MICU3: variants seen among roughly 807,000 people sequenced by gnomAD.
MICU3 encodes the protein calcium uptake protein 3, mitochondrial.
A neutral mutation model predicts 66.5 loss-of-function variants in MICU3; 62 were observed. The ratio of observed to expected loss-of-function variants is 0.93; its 90% confidence interval spans 0.76 to 1.15. The LOEUF is 1.15. MICU3 is among the 50% of genes most tolerant of loss of function. The pLI is 0.00. For missense variants in MICU3, 779 were observed against 664.4 expected (o/e 1.17, Z -1.90); for synonymous variants, 308 against 240.7 (o/e 1.28, Z -2.59).
chr8:17,032,812 C>G (rs1324452609), intron 1 of MICU3, among the ~76,000 whole-genome samples: 1 of 152,166 alleles, frequency 6.6e-6, no homozygotes, highest in Non-Finnish European at 1.5e-5. Flanking sequence ...CACCATTTTT[C>G]CAACATTATA....
intron 9 of MICU3, among the ~76,000 whole-genome samples, chr8:17,104,163 A>C (rs1270145504): frequency 6.6e-6 from 1 of 151,938 alleles, no homozygotes; most frequent in Non-Finnish European, 1.5e-5. Flanking sequence ...ATCTTCAAAA[A>C]TTTTTGAGTA....
intron 1 of MICU3, among the ~76,000 whole-genome samples, chr8:17,043,067 G>A (rs1814461538): frequency 6.7e-6 from 1 of 148,348 alleles, no homozygotes; most frequent in Non-Finnish European, 1.5e-5. Context: ...AGCCTCCCGA[G>A]TAGCTGGGAC....
At chr8:17,102,128 A>G (rs1263874083) in intron 9 of MICU3, among the ~76,000 whole-genome samples, 1 of 151,750 alleles carries the variant, frequency 6.6e-6, no homozygotes, top group African/African-American at 2.4e-5. Context: ...AGTACTGGCT[A>G]TTTGTGAAGC....
At chr8:17,092,462 AATT>A (rs1374111226) in intron 8 of MICU3, among the ~76,000 whole-genome samples, 1 of 152,004 alleles carries the variant, frequency 6.6e-6, no homozygotes, top group Non-Finnish European at 1.5e-5. Flanking sequence ...TTAAATAAAA[AATT>A]ATGATTTTTA....
intron 1 of MICU3, among the ~76,000 whole-genome samples, chr8:17,044,340 T>C (rs930253928): frequency 3.3e-5 from 5 of 152,208 alleles, no homozygotes; most frequent in Admixed American, 6.5e-5. Context: ...ATTTTGGTGA[T>C]AGGTTTTACT....
At chr8:17,067,112 T>G (rs1818845365) in intron 2 of MICU3, among the ~76,000 whole-genome samples, 1 of 152,156 alleles carries the variant, frequency 6.6e-6, no homozygotes, top group African/African-American at 2.4e-5. Flanking sequence ...TCACAAAAGA[T>G]CAAGATATTC....
chr8:17,064,197 G>A lies in MICU3; in HGVS notation c.495G>A (p.Pro165=), dbSNP rs763504827. Residue 165 remains proline (P), a synonymous_variant, in exon 2 of 15, where the codon CCG becomes CCA. Coordinates refer to ENST00000318063, the MANE Select transcript of MICU3 (RefSeq NM_181723.3). ...IECEGQLFMT[P]YDFILAVTTD... ...GTGAAGGGCAGTTATTCATGACTCC[G>A]TATGATTTTATTTTGGCTGTTACAA... The A allele has an allele frequency of 1.3e-5, 21 of 1,611,990 alleles. No homozygotes were observed. The highest frequency in any genetic ancestry group is 1.7e-5 in the Admixed American group (1 of 59,946).
intron 8 of MICU3, among the ~76,000 whole-genome samples, chr8:17,096,190 T>G (rs1800668403): frequency 6.6e-6 from 1 of 151,956 alleles, no homozygotes; most frequent in Non-Finnish European, 1.5e-5. Context: ...CATAGTTGTC[T>G]GTTTCACAGC....
At chr8:17,099,404 T>G (rs943441629) in intron 9 of MICU3, among the ~76,000 whole-genome samples, 1 of 151,800 alleles carries the variant, frequency 6.6e-6, no homozygotes, top group Admixed American at 6.6e-5. Flanking sequence ...TGAAAATATC[T>G]GGAGAAGTAA....
chr8:17,077,020 T>C (rs1820482413), intron 3 of MICU3, among the ~76,000 whole-genome samples: 1 of 152,212 alleles, frequency 6.6e-6, no homozygotes, highest in Admixed American at 6.5e-5. Flanking sequence ...ACTTAGTCGT[T>C]TTTAACAGAC....
At chr8:17,135,406 A>G in the MICU3 span, among the ~76,000 whole-genome samples, 1 of 151,554 alleles carries the variant, frequency 6.6e-6, no homozygotes, top group Non-Finnish European at 1.5e-5. Flanking sequence ...AAAAAAAAAA[A>G]AAATGGACAT....
At position 17,077,973 on chromosome 8, in the gene MICU3, A is replaced by G. The variant is rs577314553; in HGVS notation, c.646+112A>G. 49 of 533,972 alleles carry G rather than the reference A, an allele frequency of 9.2e-5. 1 individual carries two copies. In the South Asian group the frequency reaches 1.9e-3, roughly 20 times the overall value. 33.1% of individuals were successfully genotyped at this position (533,972 alleles called of 1,614,324 possible). ...TTTTAAATTACATCTATGTGTATGC[A>G]TAGAGAAAAAACTGAAGAAGAAAAC... On this transcript the variant is annotated intron_variant, in intron 4 of 14. Coordinates refer to ENST00000318063, the MANE Select transcript of MICU3 (RefSeq NM_181723.3).
At position 17,101,413 on chromosome 8, in the gene MICU3, G is replaced by A. The variant is rs188734945; in HGVS notation, c.984+2860G>A. 1.6e-3 allele frequency among the ~76,000 whole-genome samples: 245 copies of A among 151,822 alleles called. 1 individual carries two copies. Among genetic ancestry groups the A allele is most frequent in the African/African-American group, 5.5e-3 (228 of 41,432 alleles). ...GAGCAGTACTCTGTTTCACTGAATG[G>A]GGGAAAAGTTTTCCCCATTTTCATT... is the stretch of plus-strand genomic sequence containing the variant. On this transcript the variant is annotated intron_variant, in intron 9 of 14. Coordinates refer to ENST00000318063, the MANE Select transcript of MICU3 (RefSeq NM_181723.3).
In MICU3 at chr8:17,027,266, G is replaced by C. The variant is rs1384468463; in HGVS notation, c.-14G>C. 1 of 1,242,764 alleles carries C rather than the reference G, an allele frequency of 8.0e-7. No individual in the cohort carries two copies. The highest frequency in any genetic ancestry group is 1.0e-6 in the Non-Finnish European group (1 of 994,034). 77.0% of individuals were successfully genotyped at this position (1,242,764 alleles called of 1,614,324 possible). A position where few individuals can be genotyped will look rare whatever the true frequency, so the allele number is the denominator to read the frequency against. On this transcript the variant is annotated 5_prime_UTR_variant, in exon 1 of 15. Coordinates refer to ENST00000318063, the MANE Select transcript of MICU3 (RefSeq NM_181723.3). ...CTCTGCCCCCTCCCAGCTCTGGTGT[G>C]GGCGGCCTCCGCTATGGCTGCGCTG...
At chr8:17,081,797 T>A in intron 5 of MICU3, 57 bp downstream of exon 5, 1 of 777,800 alleles carries the variant, frequency 1.3e-6, no homozygotes, top group Non-Finnish European at 2.1e-6. Context: ...AAACGAATCT[T>A]GGAAAGCAGA....
chr8:17,094,047 T>C (rs1800386137), intron 8 of MICU3, among the ~76,000 whole-genome samples: 1 of 148,800 alleles, frequency 6.7e-6, no homozygotes, highest in African/African-American at 2.6e-5. Context: ...CAATCATGAC[T>C]TTTATGTAAA....
At chr8:17,095,522 G>A (rs532608547) in intron 8 of MICU3, among the ~76,000 whole-genome samples, 175 of 151,984 alleles carry the variant, frequency 1.2e-3, no homozygotes, top group South Asian at 5.2e-3. Flanking sequence ...AGCAAAAACA[G>A]TTTACTATCT....
intron 4 of MICU3, among the ~76,000 whole-genome samples, chr8:17,080,244 G>A (rs1820981812): frequency 6.6e-6 from 1 of 151,614 alleles, no homozygotes; most frequent in African/African-American, 2.4e-5. Context: ...ATATATCATG[G>A]GTTTCACTTC....
intron 1 of MICU3, among the ~76,000 whole-genome samples, chr8:17,045,692 A>G (rs1814958367): frequency 1.3e-5 from 2 of 152,194 alleles, no homozygotes; most frequent in African/African-American, 2.4e-5. Flanking sequence ...CATGCTGCTA[A>G]TGAAGACATA....
Sources: allele counts gnomAD v4.1 joint callset (sites outside exome capture counted in the v4.1 genomes callset), GRCh38; gene constraint gnomAD v4.1.1; transcripts MANE v1.5; gene names NCBI Gene and HGNC (gene_info 2026-07-23, HGNC 2026-07-21).